The following DSCAM variants were observed in gnomAD, a reference collection of about 807,000 sequenced individuals.
The protein encoded by DSCAM is DS cell adhesion molecule, also known as cell adhesion molecule DSCAM.
Under a neutral mutation model 217.7 loss-of-function variants are expected in DSCAM, and 47 were observed. The ratio of observed to expected loss-of-function variants is 0.22; its 90% confidence interval spans 0.17 to 0.28. The LOEUF (loss-of-function observed/expected upper bound fraction) is 0.28. Among genes scored for constraint, DSCAM ranks in the 10% least tolerant of loss-of-function variants. The probability of loss-of-function intolerance (pLI) is 1.00; values close to 1 mark genes in which losing one functional copy is unlikely to be tolerated. For synonymous variants in DSCAM, 1,056 were observed against 1,015.3 expected (o/e 1.04, Z -0.76); for missense variants, 2,080 against 2,618.3 (o/e 0.79, Z 4.49).
chr21:40,156,319 G>GAGAGAGAGAA (rs2090478020), intron 16 of DSCAM, among the ~76,000 whole-genome samples: 1 of 149,446 alleles, frequency 6.7e-6, no homozygotes, highest in African/African-American at 2.5e-5. Context: ...GAGAGAGAGA[G>GAGAGAGAGAA]AGAGAGAGAG....
At chr21:40,530,892 TCCATCCATCCATCCATCCATCCATTCAA>T (rs1260781547) in intron 3 of DSCAM, among the ~76,000 whole-genome samples, 28 of 81,300 alleles carry the variant, frequency 3.4e-4, no homozygotes, top group Non-Finnish European at 4.8e-4. Context: ...CATCCATCCA[TCCATCCATCCATCCATCCATCCATTCAA>T]CCATCCATCC....
At chr21:40,791,323 G>A (rs545412113) in intron 1 of DSCAM, among the ~76,000 whole-genome samples, 7 of 151,576 alleles carry the variant, frequency 4.6e-5, no homozygotes, top group South Asian at 2.1e-4. Flanking sequence ...ATCCGCTTAC[G>A]TTGGCTTAGT....
At chr21:40,664,141 C>A (rs1423860255) in intron 3 of DSCAM, among the ~76,000 whole-genome samples, 1 of 152,126 alleles carries the variant, frequency 6.6e-6, no homozygotes, top group African/African-American at 2.4e-5. Context: ...GTCCTCTTAT[C>A]CATAGTCCGG....
chr21:40,487,775 G>A (rs1401653245), intron 3 of DSCAM, among the ~76,000 whole-genome samples: 2 of 152,074 alleles, frequency 1.3e-5, no homozygotes, highest in African/African-American at 4.8e-5. Flanking sequence ...TGAGGGTGAG[G>A]GCTGTTTCCA....
chr21:40,179,804 G>T (rs558879293), intron 14 of DSCAM, among the ~76,000 whole-genome samples: 3 of 152,194 alleles, frequency 2.0e-5, no homozygotes, highest in Non-Finnish European at 4.4e-5. Context: ...TTTTGTATCT[G>T]GTGGTTTTCA....
chr21:40,363,797 A>G (rs192841287), intron 4 of DSCAM, among the ~76,000 whole-genome samples: 52 of 152,316 alleles, frequency 3.4e-4, no homozygotes, highest in Admixed American at 3.0e-3. Flanking sequence ...AAGGGCTAAT[A>G]TCCAGAATCT....
intron 11 of DSCAM, among the ~76,000 whole-genome samples, chr21:40,266,098 T>C (rs562442427): frequency 4.9e-4 from 74 of 152,246 alleles, no homozygotes; most frequent in African/African-American, 1.7e-3. Context: ...ATTTGAAAAT[T>C]ATGCATCCGA....
intron 1 of DSCAM, among the ~76,000 whole-genome samples, chr21:40,810,178 C>A (rs1571726): frequency 0.095 from 14,435 of 152,192 alleles, 876 homozygotes; most frequent in East Asian, 0.21. Flanking sequence ...CCTTGTGGAA[C>A]AACATTGATC....
chr21:40,623,007 C>T (rs12626815), intron 3 of DSCAM, among the ~76,000 whole-genome samples: 9,570 of 152,160 alleles, frequency 0.063, 357 homozygotes, highest in Middle Eastern at 0.095. Context: ...TCCTCACATA[C>T]ATCAAATATT....
chr21:40,192,650 T>C (rs1371061463), intron 11 of DSCAM, among the ~76,000 whole-genome samples: 1 of 152,230 alleles, frequency 6.6e-6, no homozygotes. Flanking sequence ...TCATTTTTTA[T>C]AAATGGAATC....
intron 11 of DSCAM, among the ~76,000 whole-genome samples, chr21:40,219,800 T>A (rs1464073695): frequency 6.6e-6 from 1 of 152,240 alleles, no homozygotes; most frequent in Non-Finnish European, 1.5e-5. Context: ...AATGAATTTT[T>A]TTGAGTAGCA....
At chr21:40,137,899 T>C (rs2090232632) in intron 18 of DSCAM, among the ~76,000 whole-genome samples, 1 of 152,178 alleles carries the variant, frequency 6.6e-6, no homozygotes. Flanking sequence ...TTTCAGAATG[T>C]ACCATTTTTT....
chr21:40,235,858 GTA>G (rs2091425599), intron 11 of DSCAM, among the ~76,000 whole-genome samples: 1 of 151,964 alleles, frequency 6.6e-6, no homozygotes, highest in Non-Finnish European at 1.5e-5. Context: ...TGCAATAAAC[GTA>G]TGTTTGTATC....
At chr21:40,843,368 A>ATGTGTGTGTG (rs36229663) in intron 1 of DSCAM, among the ~76,000 whole-genome samples, 18 of 146,164 alleles carry the variant, frequency 1.2e-4, no homozygotes, top group South Asian at 2.2e-4. Flanking sequence ...GAATGCATGC[A>ATGTGTGTGTG]TGTGTGTGTG....
chr21:40,713,079 T>C (rs1033888422), intron 1 of DSCAM, among the ~76,000 whole-genome samples: 6 of 152,196 alleles, frequency 3.9e-5, no homozygotes, highest in African/African-American at 1.4e-4. Flanking sequence ...AAGTGTCTTG[T>C]TCAACAATGC....
intron 3 of DSCAM, among the ~76,000 whole-genome samples, chr21:40,561,095 T>G (rs912521743): frequency 1.3e-5 from 2 of 152,172 alleles, no homozygotes; most frequent in African/African-American, 2.4e-5. Flanking sequence ...CGGCTAAATT[T>G]CACTAATATT....
At chr21:40,116,512 A>C (rs1027222012) in intron 20 of DSCAM, among the ~76,000 whole-genome samples, 1 of 152,050 alleles carries the variant, frequency 6.6e-6, no homozygotes, top group Non-Finnish European at 1.5e-5. Context: ...CCATGACAGG[A>C]TGCTGGGGCT....
intron 1 of DSCAM, among the ~76,000 whole-genome samples, chr21:40,724,884 G>A (rs1398038645): frequency 1.3e-5 from 2 of 152,128 alleles, no homozygotes; most frequent in African/African-American, 4.8e-5. Context: ...CTGACCTAAG[G>A]ACTTACAGAA....
At chr21:40,286,940 G>T (rs2073834593) in intron 10 of DSCAM, among the ~76,000 whole-genome samples, 1 of 151,840 alleles carries the variant, frequency 6.6e-6, no homozygotes, top group South Asian at 2.1e-4. Flanking sequence ...GTTGTGATCT[G>T]CAGTGTGATC....
Sources: allele counts gnomAD v4.1 joint callset (sites outside exome capture counted in the v4.1 genomes callset), GRCh38; gene constraint gnomAD v4.1.1; transcripts MANE v1.5; gene names NCBI Gene and HGNC (gene_info 2026-07-23, HGNC 2026-07-21).